ACAD11: variants seen among roughly 807,000 people sequenced by gnomAD.
ACAD11 encodes acyl-Coenzyme A dehydrogenase family, member 11.
ACAD11 carries 83 observed loss-of-function variants against 102.2 expected under a neutral mutation model. The observed-to-expected ratio is 0.81, with a 90% CI of 0.68 to 0.97. ACAD11 has a LOEUF of 0.97. Ranked by LOEUF, ACAD11 falls within the 50% of genes least tolerant of loss-of-function variation. The probability of loss-of-function intolerance (pLI) is 0.00; values close to 1 mark genes in which losing one functional copy is unlikely to be tolerated. For missense variants in ACAD11, 901 were observed against 951.7 expected (o/e 0.95, Z 0.70); for synonymous variants, 324 against 319.8 (o/e 1.01, Z -0.14).
intron 9 of ACAD11, 22 bp from the exon 10 acceptor site, chr3:132,619,567 A>C (rs1488498701): frequency 7.3e-7 from 1 of 1,378,090 alleles, no homozygotes; most frequent in Non-Finnish European, 1.0e-6. Context: ...AAAAGAAAAA[A>C]ATTTCACTAG....
chr3:132,618,664 CA>C lies in ACAD11; in HGVS notation c.1383del (p.Phe461LeufsTer46). ...LIAEETGKCF[F>X]APDVFNCQAP... ...GCTTGGCAGTTAAAGACATCTGGAG[CA>C]AAAAAGCATTTTCCTGTTTCTTCAG... On this transcript the variant is annotated frameshift_variant, in exon 11 of 20. Transcript: ENST00000264990. LOFTEE classifies it high-confidence loss of function. 1.2e-6 allele frequency: 2 copies of C among 1,605,340 alleles called. No homozygotes were observed. Among genetic ancestry groups the C allele is most frequent in the Admixed American group, 1.7e-5 (1 of 58,284 alleles).
intron 1 of ACAD11, among the ~76,000 whole-genome samples, chr3:132,659,311 C>A (rs976114976): frequency 4.6e-5 from 7 of 152,226 alleles, no homozygotes; most frequent in Non-Finnish European, 1.0e-4. Flanking sequence ...AATTTGTAGC[C>A]TTAATTGCCT....
At chr3:132,656,514 C>T (rs1345159992) in intron 1 of ACAD11, among the ~76,000 whole-genome samples, 6 of 146,822 alleles carry the variant, frequency 4.1e-5, no homozygotes, top group Admixed American at 6.8e-5. Flanking sequence ...TTTTTTGAGA[C>T]GGAGTCTGCC....
intron 5 of ACAD11, among the ~76,000 whole-genome samples, chr3:132,637,412 T>A (rs895361316): frequency 2.0e-5 from 3 of 152,082 alleles, no homozygotes; most frequent in Admixed American, 2.0e-4. Context: ...GCTTATGGAT[T>A]CTAAATTAAC....
Position 132,561,138 on chromosome 3 carries a change from C to T in ACAD11, c.2081G>A (p.Ser694Asn). 1 of 1,613,492 alleles carries T rather than the reference C, an allele frequency of 6.2e-7. No homozygotes were observed. Among genetic ancestry groups the T allele is most frequent in the Non-Finnish European group, 8.5e-7 (1 of 1,179,646 alleles). Reference sequence around the variant, plus strand: ...GCCAGCACTGCCCAGAGTGTCCATGCTGTGAGCAGCTTTCAGAGTCAACAA... The same window carrying T: ...GCCAGCACTGCCCAGAGTGTCCATGTTGTGAGCAGCTTTCAGAGTCAACAA... ...IRLLTLKAAH[S>N]MDTLGSAGAK... Residue 694 changes from serine (S) to asparagine (N), a missense_variant, in exon 18 of 20, where the codon AGC becomes AAC. Transcript: ENST00000264990.
chr3:132,615,757 C>T (rs1440964374), intron 11 of ACAD11, among the ~76,000 whole-genome samples: 1 of 152,122 alleles, frequency 6.6e-6, no homozygotes, highest in African/African-American at 2.4e-5. Flanking sequence ...CATGTGTATA[C>T]CTACGTAACA....
intron 11 of ACAD11, among the ~76,000 whole-genome samples, chr3:132,609,752 G>A (rs1321688047): frequency 3.3e-5 from 5 of 152,150 alleles, no homozygotes; most frequent in Admixed American, 2.6e-4. Context: ...AATAGAAAAA[G>A]AGGGACTCCT....
chr3:132,628,259 C>T, intron 8 of ACAD11, 81 bp downstream of exon 8: 1 of 856,012 alleles, frequency 1.2e-6, no homozygotes, highest in Non-Finnish European at 1.8e-6. Flanking sequence ...AAAAATAATC[C>T]CTACTCCCCT....
intron 11 of ACAD11, among the ~76,000 whole-genome samples, chr3:132,611,157 T>C (rs2107836608): frequency 6.6e-6 from 1 of 152,228 alleles, no homozygotes; most frequent in South Asian, 2.1e-4. Flanking sequence ...GAAAAGGCTT[T>C]AGACAAAATT....
intron 13 of ACAD11, among the ~76,000 whole-genome samples, chr3:132,586,107 A>G (rs1174289821): frequency 6.6e-6 from 1 of 152,210 alleles, no homozygotes; most frequent in African/African-American, 2.4e-5. Flanking sequence ...TCCAATAATG[A>G]TAGACTGGAT....
In ACAD11 at chr3:132,559,967, A is replaced by ATGC. The variant is rs778815788; in HGVS notation, c.2119-28_2119-26dup. The ATGC allele has an allele frequency of 1.9e-4, 293 of 1,572,412 alleles. 1 individual carries two copies. The highest frequency in any genetic ancestry group is 3.2e-4 in the Admixed American group (19 of 59,094). ...TCTATATAAGCAAAATATGAAAAGA[A>ATGC]TGCTTCTTTCTTAGACTATACACAA... On this transcript the variant is annotated intron_variant, in intron 18 of 19. Coordinates refer to ENST00000264990, the MANE Select transcript of ACAD11 (RefSeq NM_032169.5).
chr3:132,579,959 C>G (rs1445567667), intron 13 of ACAD11, among the ~76,000 whole-genome samples: 1 of 152,084 alleles, frequency 6.6e-6, no homozygotes, highest in Non-Finnish European at 1.5e-5. Context: ...TTATTAATTT[C>G]TTAAGGGTCA....
At chr3:132,612,532 A>C (rs995903872) in intron 11 of ACAD11, among the ~76,000 whole-genome samples, 1 of 152,060 alleles carries the variant, frequency 6.6e-6, no homozygotes, top group Non-Finnish European at 1.5e-5. Context: ...TTTACAAGAA[A>C]AAAACAAACA....
intron 5 of ACAD11, among the ~76,000 whole-genome samples, chr3:132,633,775 C>T (rs1480835594): frequency 1.3e-5 from 2 of 152,016 alleles, no homozygotes; most frequent in Admixed American, 6.6e-5. Flanking sequence ...TATCTGATCT[C>T]TGACAAACCT....
At chr3:132,639,198 T>C (rs1425157103) in intron 5 of ACAD11, among the ~76,000 whole-genome samples, 1 of 152,116 alleles carries the variant, frequency 6.6e-6, no homozygotes, top group African/African-American at 2.4e-5. Context: ...TTGTAACTAG[T>C]AGATGAAAAC....
chr3:132,604,570 A>G (rs374528842), intron 12 of ACAD11, among the ~76,000 whole-genome samples: 13 of 152,292 alleles, frequency 8.5e-5, no homozygotes, highest in African/African-American at 2.6e-4. Flanking sequence ...ATTTTTTTCT[A>G]TTGAAGAGTT....
At chr3:132,566,571 A>C (rs1376198984) in intron 17 of ACAD11, among the ~76,000 whole-genome samples, 2 of 152,180 alleles carry the variant, frequency 1.3e-5, no homozygotes, top group African/African-American at 4.8e-5. Flanking sequence ...AAAATCTTGA[A>C]AGCACCAGAG....
chr3:132,634,761 T>C (rs2107872507), intron 5 of ACAD11, among the ~76,000 whole-genome samples: 1 of 152,206 alleles, frequency 6.6e-6, no homozygotes, highest in Non-Finnish European at 1.5e-5. Context: ...TGCAGGGACA[T>C]GGATGAAGCT....
At chr3:132,636,369 C>A (rs899825057) in intron 5 of ACAD11, among the ~76,000 whole-genome samples, 1 of 152,052 alleles carries the variant, frequency 6.6e-6, no homozygotes, top group African/African-American at 2.4e-5. Context: ...AAATTATCTT[C>A]TTTATAAAGA....
Sources: allele counts gnomAD v4.1 joint callset (sites outside exome capture counted in the v4.1 genomes callset), GRCh38; gene constraint gnomAD v4.1.1; transcripts MANE v1.5; gene names NCBI Gene and HGNC (gene_info 2026-07-23, HGNC 2026-07-21).